Variants in HNRNPC observed in about 807,000 individuals in gnomAD.
HNRNPC encodes heterogeneous nuclear ribonucleoprotein C.
In HNRNPC, 3 loss-of-function variants were observed where a neutral mutation model predicts 33.2. The observed-to-expected ratio is 0.09, with a 90% CI of 0.04 to 0.23. The LOEUF (loss-of-function observed/expected upper bound fraction) is 0.23. Among genes scored for constraint, HNRNPC ranks in the 10% least tolerant of loss-of-function variants. The probability of loss-of-function intolerance (pLI) is 1.00; values close to 1 mark genes in which losing one functional copy is unlikely to be tolerated. For missense variants in HNRNPC, 143 were observed against 366.7 expected, an observed-to-expected ratio of 0.39 and a Z score of 4.98; for synonymous variants, 121 against 126.7, an observed-to-expected ratio of 0.96 and a Z score of 0.30.
intron 2 of HNRNPC, chr14:21,234,751 T>C (rs760864884): frequency 6.5e-6 from 1 of 153,200 alleles, no homozygotes; most frequent in South Asian, 2.0e-4. Flanking sequence ...TAGATTAATA[T>C]GGATAGCTTA....
intron 5 of HNRNPC, among the ~76,000 whole-genome samples, chr14:21,215,898 TAAAAAA>T (rs3064165): frequency 1.4e-4 from 14 of 98,582 alleles, no homozygotes; most frequent in African/African-American, 4.8e-4. Flanking sequence ...GACTCCGTCT[TAAAAAA>T]AAAAAAAAGA....
chr14:21,219,108 C>CCAAAA (rs1892545919), intron 5 of HNRNPC, among the ~76,000 whole-genome samples: 1 of 96,392 alleles, frequency 1.0e-5, no homozygotes, highest in Admixed American at 1.3e-4. Context: ...GACTCTTTCT[C>CCAAAA]AAAAAAAAAA....
Position 21,210,961 on chromosome 14 carries a change from G to T in HNRNPC, c.*262C>A, listed in dbSNP as rs1473427427. The T allele has an allele frequency of 1.6e-5, 8 of 489,300 alleles. No homozygotes were observed. Among genetic ancestry groups the T allele is most frequent in the Non-Finnish European group, 2.5e-5 (7 of 274,704 alleles). The allele number at this position is 489,300 out of a possible 1,614,324, so 30.3% of individuals were successfully genotyped here. A position where few individuals can be genotyped will look rare whatever the true frequency, so the allele number is the denominator to read the frequency against. On this transcript the variant is annotated 3_prime_UTR_variant, in exon 9 of 9. Transcript: ENST00000553300. ...ATAAAAACCATACATCCTTTTTATT[G>T]TTAAGTCATAAAGAGGTATCAAAAT... is the stretch of plus-strand genomic sequence containing the variant.
At chr14:21,261,203 T>G (rs1359197435) in intron 2 of HNRNPC, among the ~76,000 whole-genome samples, 1 of 152,164 alleles carries the variant, frequency 6.6e-6, no homozygotes, top group Non-Finnish European at 1.5e-5. Flanking sequence ...TTCATTCATG[T>G]GTCTCCCTCA....
At chr14:21,251,030 G>C (rs754089199) in intron 2 of HNRNPC, among the ~76,000 whole-genome samples, 9 of 152,150 alleles carry the variant, frequency 5.9e-5, no homozygotes, top group Admixed American at 1.3e-4. Flanking sequence ...GGGAGGCCGA[G>C]GCGGGTAGAT....
intron 5 of HNRNPC, among the ~76,000 whole-genome samples, chr14:21,214,676 T>G (rs957521389): frequency 6.6e-6 from 1 of 152,210 alleles, no homozygotes; most frequent in South Asian, 2.1e-4. Context: ...AAAAAGATAC[T>G]GAGTAACTTT....
At chr14:21,233,763 A>T (rs1297119892) in intron 3 of HNRNPC, among the ~76,000 whole-genome samples, 190 bp downstream of exon 3, 1 of 152,214 alleles carries the variant, frequency 6.6e-6, no homozygotes, top group South Asian at 2.1e-4. Flanking sequence ...TACTACACAA[A>T]ATGGTACAAT....
chr14:21,230,951 T>A (rs758713035), intron 4 of HNRNPC, 46 bp downstream of exon 4: 15 of 1,609,582 alleles, frequency 9.3e-6, no homozygotes, highest in Non-Finnish European at 1.2e-5. Flanking sequence ...ATAATAAAGT[T>A]CCGGACCTGA....
chr14:21,231,105 C>T (rs1465993337), intron 3 of HNRNPC, 33 bp from the exon 4 acceptor site: 4 of 1,579,656 alleles, frequency 2.5e-6, no homozygotes, highest in Non-Finnish European at 3.5e-6. Context: ...TTAATGACAA[C>T]TTTGTATCCG....
chr14:21,241,005 T>C (rs901173564), intron 2 of HNRNPC, among the ~76,000 whole-genome samples: 3 of 152,126 alleles, frequency 2.0e-5, no homozygotes, highest in African/African-American at 4.8e-5. Flanking sequence ...GTGCGAAGGC[T>C]CACGCCTGTA....
chr14:21,230,507 C>T (rs1006135547), intron 4 of HNRNPC, 141 bp from the exon 5 acceptor site: 31 of 636,198 alleles, frequency 4.9e-5, no homozygotes, highest in Non-Finnish European at 1.4e-5. Flanking sequence ...ATCATTCATA[C>T]AATAAATCAC....
At chr14:21,243,426 T>C (rs190908077) in intron 2 of HNRNPC, among the ~76,000 whole-genome samples, 5 of 152,186 alleles carry the variant, frequency 3.3e-5, no homozygotes, top group Admixed American at 2.0e-4. Context: ...GTTTATTCTA[T>C]GTATGTATAT....
chr14:21,219,540 G>A (rs879366766), intron 5 of HNRNPC, among the ~76,000 whole-genome samples: 2 of 152,164 alleles, frequency 1.3e-5, no homozygotes, highest in Admixed American at 6.5e-5. Context: ...AACTATTAGT[G>A]ACATGAAAGA....
chr14:21,234,370 G>A lies in HNRNPC; in HGVS notation c.-36-141C>T, dbSNP rs1273879683. 2.9e-5 allele frequency: 18 copies of A among 621,826 alleles called. No homozygotes were observed. In the South Asian group the frequency reaches 3.0e-4, roughly 10 times the overall value. 38.5% of individuals were successfully genotyped at this position (621,826 alleles called of 1,614,324 possible). ...TAAAGGGACTCACAGCATTAAGTATGTATTTGCTAATAATTTCAGAGACTC... is the reference window on the plus strand; with the variant it reads ...TAAAGGGACTCACAGCATTAAGTATATATTTGCTAATAATTTCAGAGACTC... On this transcript the variant is annotated intron_variant, in intron 2 of 8. Transcript: ENST00000553300.
At chr14:21,244,843 G>C (rs150358814) in intron 2 of HNRNPC, among the ~76,000 whole-genome samples, 1 of 152,070 alleles carries the variant, frequency 6.6e-6, no homozygotes, top group Non-Finnish European at 1.5e-5. Flanking sequence ...AACACAGGGC[G>C]GGAAAGGTGG....
intron 5 of HNRNPC, among the ~76,000 whole-genome samples, chr14:21,229,751 T>C (rs1477814519): frequency 6.6e-6 from 1 of 152,210 alleles, no homozygotes; most frequent in African/African-American, 2.4e-5. Context: ...AGTAATAACA[T>C]TAAAATACTA....
chr14:21,259,701 T>A (rs1401967138), intron 2 of HNRNPC, among the ~76,000 whole-genome samples: 2 of 152,146 alleles, frequency 1.3e-5, no homozygotes, highest in Admixed American at 6.6e-5. Flanking sequence ...AGCATTACCT[T>A]TGTCCAAGCC....
chr14:21,221,809 A>G (rs888915014), intron 5 of HNRNPC, among the ~76,000 whole-genome samples: 1 of 152,136 alleles, frequency 6.6e-6, no homozygotes, highest in African/African-American at 2.4e-5. Context: ...CAGCACTTTG[A>G]GGCCGAGGCA....
At chr14:21,253,424 G>C (rs907430102) in intron 2 of HNRNPC, among the ~76,000 whole-genome samples, 2 of 121,706 alleles carry the variant, frequency 1.6e-5, no homozygotes, top group African/African-American at 6.4e-5. Flanking sequence ...CAGTGAGAGA[G>C]ATCACGCCAC....
Sources: allele counts gnomAD v4.1 joint callset (sites outside exome capture counted in the v4.1 genomes callset), GRCh38; gene constraint gnomAD v4.1.1; transcripts MANE v1.5; gene names NCBI Gene and HGNC (gene_info 2026-07-23, HGNC 2026-07-21).